Variants in SUGCT observed in about 807,000 individuals in gnomAD.
SUGCT encodes succinyl-CoA:glutarate-CoA transferase.
In SUGCT, 41 loss-of-function variants were observed where a neutral mutation model predicts 55.0. The ratio of observed to expected loss-of-function variants is 0.74; its 90% CI spans 0.58 to 0.97. SUGCT has a LOEUF of 0.97. SUGCT is among the 50% of genes least tolerant of loss of function. The pLI, the probability that SUGCT is intolerant of heterozygous loss-of-function variation, is 0.00. For missense variants in SUGCT, 568 were observed against 547.8 expected (o/e 1.04, Z -0.37); for synonymous variants, 187 against 200.4 (o/e 0.93, Z 0.56).
intron 9 of SUGCT, among the ~76,000 whole-genome samples, chr7:40,401,669 A>G (rs1285740650): frequency 1.6e-4 from 25 of 152,214 alleles, no homozygotes; most frequent in Non-Finnish European, 4.4e-5. Flanking sequence ...TGCACTCACA[A>G]TGACCAAATT....
At chr7:40,634,854 A>G (rs1799951169) in intron 12 of SUGCT, among the ~76,000 whole-genome samples, 1 of 152,210 alleles carries the variant, frequency 6.6e-6, no homozygotes, top group African/African-American at 2.4e-5. Flanking sequence ...AATTTTTTGA[A>G]ATTAATATGA....
chr7:40,231,261 A>G (rs1483593362), intron 6 of SUGCT, among the ~76,000 whole-genome samples: 2 of 152,194 alleles, frequency 1.3e-5, no homozygotes, highest in Non-Finnish European at 2.9e-5. Flanking sequence ...TCCCAGACTT[A>G]TATATTCACA....
the SUGCT span, among the ~76,000 whole-genome samples, chr7:40,953,864 TG>T: frequency 1.3e-5 from 2 of 152,198 alleles, no homozygotes; most frequent in South Asian, 4.1e-4. Flanking sequence ...CTGCCCCTAT[TG>T]GGGGGTGCCT....
At chr7:40,170,504 A>C (rs1201945632) in intron 1 of SUGCT, among the ~76,000 whole-genome samples, 1 of 152,172 alleles carries the variant, frequency 6.6e-6, no homozygotes, top group African/African-American at 2.4e-5. Flanking sequence ...AACATTTTCT[A>C]TCTGAAAAAA....
chr7:40,804,971 A>T (rs1389654292), intron 13 of SUGCT, among the ~76,000 whole-genome samples: 1 of 152,154 alleles, frequency 6.6e-6, no homozygotes, highest in Non-Finnish European at 1.5e-5. Flanking sequence ...GAACTCCAGG[A>T]TCCTGCGTTT....
chr7:41,034,499 G>A, the SUGCT span, among the ~76,000 whole-genome samples: 1 of 152,114 alleles, frequency 6.6e-6, no homozygotes, highest in African/African-American at 2.4e-5. Flanking sequence ...GGGGCTGGAG[G>A]GGTCAGAGCT....
intron 12 of SUGCT, among the ~76,000 whole-genome samples, chr7:40,563,755 A>AG (rs961139588): frequency 7.9e-5 from 12 of 151,524 alleles, no homozygotes; most frequent in African/African-American, 1.5e-4. Flanking sequence ...TAATAATAAA[A>AG]GGGGGGGAAA....
intron 12 of SUGCT, among the ~76,000 whole-genome samples, chr7:40,606,478 C>T (rs1191976586): frequency 2.0e-5 from 3 of 152,120 alleles, no homozygotes; most frequent in Admixed American, 6.5e-5. Flanking sequence ...ATCCAGGAAG[C>T]GTCTTTGTGT....
At chr7:40,895,166 A>G in the SUGCT span, among the ~76,000 whole-genome samples, 3 of 152,200 alleles carry the variant, frequency 2.0e-5, no homozygotes, top group African/African-American at 7.2e-5. Context: ...TTGCAGCAAC[A>G]TAGATGGAGC....
the SUGCT span, among the ~76,000 whole-genome samples, chr7:40,916,121 A>G: frequency 2.0e-5 from 3 of 151,742 alleles, no homozygotes; most frequent in South Asian, 2.1e-4. Flanking sequence ...ACATATTAGC[A>G]CTAGAATTGT....
intron 13 of SUGCT, among the ~76,000 whole-genome samples, chr7:40,782,363 G>A (rs888131263): frequency 6.6e-6 from 1 of 151,966 alleles, no homozygotes; most frequent in Non-Finnish European, 1.5e-5. Flanking sequence ...GCCAATATAA[G>A]TAGTTTTCCT....
At chr7:40,145,388 C>G (rs1446377649) in intron 1 of SUGCT, among the ~76,000 whole-genome samples, 1 of 151,994 alleles carries the variant, frequency 6.6e-6, no homozygotes, top group Non-Finnish European at 1.5e-5. Context: ...ACAGACAATT[C>G]TTTGACATGC....
intron 12 of SUGCT, among the ~76,000 whole-genome samples, chr7:40,713,558 G>A (rs1276002471): frequency 3.3e-5 from 5 of 152,148 alleles, no homozygotes; most frequent in Non-Finnish European, 7.4e-5. Context: ...TTAAAAACCA[G>A]TTTTCACCAC....
chr7:40,377,955 T>C (rs1784686242), intron 9 of SUGCT, among the ~76,000 whole-genome samples: 1 of 152,180 alleles, frequency 6.6e-6, no homozygotes, highest in African/African-American at 2.4e-5. Context: ...CAGAAATCAT[T>C]GGTTAACCTT....
At chr7:40,230,905 A>G (rs946753458) in intron 6 of SUGCT, among the ~76,000 whole-genome samples, 2 of 152,196 alleles carry the variant, frequency 1.3e-5, no homozygotes, top group African/African-American at 4.8e-5. Flanking sequence ...TGTCTCAGTT[A>G]TAGTTGTAAA....
intron 12 of SUGCT, among the ~76,000 whole-genome samples, chr7:40,532,243 AGT>A (rs1272081387): frequency 6.6e-6 from 1 of 152,226 alleles, no homozygotes; most frequent in Admixed American, 6.5e-5. Context: ...AAACATTTTA[AGT>A]ATTTAGTTTG....
intron 9 of SUGCT, among the ~76,000 whole-genome samples, chr7:40,334,907 TC>T (rs1489143192): frequency 4.6e-5 from 7 of 152,226 alleles, no homozygotes; most frequent in African/African-American, 1.7e-4. Context: ...AAGTCCTTAA[TC>T]CATCTGGAAT....
intron 13 of SUGCT, among the ~76,000 whole-genome samples, chr7:40,857,542 T>C (rs1794246901): frequency 6.6e-6 from 1 of 152,160 alleles, no homozygotes; most frequent in African/African-American, 2.4e-5. Flanking sequence ...GTCTTCAGTG[T>C]AGATCTGGAA....
chr7:40,484,940 T>G (rs1198143313), intron 11 of SUGCT, among the ~76,000 whole-genome samples: 1 of 152,046 alleles, frequency 6.6e-6, no homozygotes, highest in Non-Finnish European at 1.5e-5. Flanking sequence ...TGCATAATGT[T>G]TACGTGAATT....
Sources: gnomAD v4.1 joint callset for allele counts (sites outside exome capture counted in the v4.1 genomes callset) on GRCh38, gnomAD v4.1.1 for gene constraint, MANE v1.5 for transcripts, NCBI Gene and HGNC (gene_info 2026-07-23, HGNC 2026-07-21) for gene names.